MAP2: variants seen among roughly 807,000 people sequenced by gnomAD.
The protein encoded by MAP2 is microtubule-associated protein 2.
In MAP2, 14 loss-of-function variants were observed where a neutral mutation model predicts 137.6. The observed-to-expected ratio is 0.10, with a 90% CI of 0.07 to 0.16. The LOEUF is 0.16. Among genes scored for constraint, MAP2 ranks in the 10% least tolerant of loss-of-function variants. The pLI is 1.00. For missense variants in MAP2, 2,088 were observed against 2,191.5 expected (o/e 0.95, Z 0.94); for synonymous variants, 786 against 782.3 (o/e 1.00, Z -0.08).
intron 14 of MAP2, among the ~76,000 whole-genome samples, chr2:209,726,974 G>A (rs1411566087): frequency 6.6e-6 from 1 of 152,154 alleles, no homozygotes; most frequent in Admixed American, 6.5e-5. Context: ...TGAGCTGTTA[G>A]CTGACAATTA....
At chr2:209,601,327 T>A (rs1230077659) in intron 3 of MAP2, among the ~76,000 whole-genome samples, 3 of 152,204 alleles carry the variant, frequency 2.0e-5, no homozygotes, top group Non-Finnish European at 4.4e-5. Context: ...TTTTAGAACA[T>A]TTTCATGAAG....
intron 5 of MAP2, among the ~76,000 whole-genome samples, chr2:209,676,720 CATATATATATATATATATATATAT>C (rs56283066): frequency 0.017 from 1,248 of 71,790 alleles, 42 homozygotes; most frequent in East Asian, 0.061. Context: ...ACACAAAGGT[CATATATATATATATATATATATAT>C]ATATATATAT....
intron 2 of MAP2, among the ~76,000 whole-genome samples, chr2:209,545,863 G>T (rs555903626): frequency 1.3e-5 from 2 of 152,124 alleles, no homozygotes; most frequent in African/African-American, 4.8e-5. Context: ...CTTTTTGGCC[G>T]GGCATGGTGG....
rs149891809 is a variant in MAP2, at chr2:209,434,007, C to T, written c.-222+9731C>T. On this transcript the variant is annotated intron_variant, in intron 1 of 15. Coordinates refer to ENST00000682079, the MANE Select transcript of MAP2 (RefSeq NM_001375505.1). The stretch of plus-strand genomic sequence containing the variant: ...CCAAACAACAACCAACATTAAATAA[C>T]AGTGTAACACACATTTTGCTTCTTA... Among the ~76,000 whole-genome samples the T allele has an allele frequency of 2.0e-5, 3 of 152,122 alleles. No individual in the cohort carries two copies. The East Asian group carries it at 5.8e-4, about 29-fold the overall frequency.
intron 2 of MAP2, among the ~76,000 whole-genome samples, chr2:209,552,250 TG>T (rs2069348064): frequency 6.6e-6 from 1 of 152,194 alleles, no homozygotes; most frequent in Non-Finnish European, 1.5e-5. Flanking sequence ...TGTTATTTAC[TG>T]TAAAGTTGTC....
rs532366828 is a variant in MAP2, at chr2:209,558,447, C to G, written c.-171-21589C>G. Among the ~76,000 whole-genome samples the G allele has an allele frequency of 2.6e-5, 4 of 152,230 alleles. No homozygotes were observed. In the East Asian group the frequency reaches 7.7e-4, roughly 29 times the overall value. On this transcript the variant is annotated intron_variant, in intron 2 of 15. Coordinates refer to ENST00000682079, the MANE Select transcript of MAP2 (RefSeq NM_001375505.1). ...CAGGTGATCTGCCTGCCTCAGCCTC[C>G]CAGCGTGCTGGGATTACAGGTGTGA...
At position 209,454,110 on chromosome 2, in the gene MAP2, T is replaced by A; in HGVS notation, c.-222+29834T>A. Among the ~76,000 whole-genome samples the A allele has an allele frequency of 2.3e-5, 3 of 128,994 alleles. No homozygotes were observed. The Admixed American group carries it at 2.9e-4, about 12-fold the overall frequency. The allele number at this position is 128,994 out of a possible 152,430, so 84.6% of individuals were successfully genotyped here. A position where few individuals can be genotyped will look rare whatever the true frequency, so the allele number is the denominator to read the frequency against. ...AGCTTGCAGTGAGCCTAGATCGCGC[T>A]CTGCACTCCATCCCGGGCAACAGAG... On this transcript the variant is annotated intron_variant, in intron 1 of 15. Coordinates refer to ENST00000682079, the MANE Select transcript of MAP2 (RefSeq NM_001375505.1).
At chr2:209,627,862 A>T (rs2092555966) in intron 4 of MAP2, among the ~76,000 whole-genome samples, 1 of 152,178 alleles carries the variant, frequency 6.6e-6, no homozygotes, top group Non-Finnish European at 1.5e-5. Flanking sequence ...TTACCAGGTG[A>T]TTACCTTTGA....
intron 12 of MAP2, among the ~76,000 whole-genome samples, chr2:209,707,259 A>C (rs948840279): frequency 6.6e-6 from 1 of 152,156 alleles, no homozygotes; most frequent in Non-Finnish European, 1.5e-5. Context: ...CACCAATTCT[A>C]TTTTGACTTT....
chr2:209,516,731 A>T (rs970371296), intron 2 of MAP2, among the ~76,000 whole-genome samples: 2 of 152,116 alleles, frequency 1.3e-5, no homozygotes, highest in East Asian at 3.9e-4. Flanking sequence ...TCGAAGACCT[A>T]ATTTAGACTG....
chr2:209,671,945 A>G (rs939029844), intron 5 of MAP2, among the ~76,000 whole-genome samples: 2 of 150,910 alleles, frequency 1.3e-5, no homozygotes, highest in Non-Finnish European at 2.9e-5. Flanking sequence ...TGAAACTTCC[A>G]GGATCATTGA....
intron 1 of MAP2, among the ~76,000 whole-genome samples, chr2:209,482,921 C>T (rs765513179): frequency 6.6e-6 from 1 of 152,170 alleles, no homozygotes; most frequent in Non-Finnish European, 1.5e-5. Context: ...TGAAATATTA[C>T]AGCCTTATAC....
At chr2:209,457,767 A>G (rs925269605) in intron 1 of MAP2, among the ~76,000 whole-genome samples, 1 of 152,058 alleles carries the variant, frequency 6.6e-6, no homozygotes, top group African/African-American at 2.4e-5. Context: ...GGACATGGAG[A>G]TGGGGGATTA....
intron 4 of MAP2, among the ~76,000 whole-genome samples, chr2:209,625,511 A>T (rs72997687): frequency 3.9e-5 from 6 of 152,088 alleles, no homozygotes; most frequent in African/African-American, 1.4e-4. Context: ...CAACAGTTCT[A>T]TGACGTAGAT....
chr2:209,553,733 A>T (rs1434101679), intron 2 of MAP2, among the ~76,000 whole-genome samples: 2 of 152,156 alleles, frequency 1.3e-5, no homozygotes, highest in African/African-American at 4.8e-5. Context: ...ATTTGTCCTC[A>T]TCCCTAAGTG....
chr2:209,652,151 T>A (rs2094845874), intron 4 of MAP2, among the ~76,000 whole-genome samples: 1 of 152,162 alleles, frequency 6.6e-6, no homozygotes, highest in African/African-American at 2.4e-5. Flanking sequence ...CAATTATATA[T>A]CTAAACTTGG....
chr2:209,512,998 C>G (rs1261506531), intron 2 of MAP2, among the ~76,000 whole-genome samples: 2 of 152,016 alleles, frequency 1.3e-5, no homozygotes, highest in South Asian at 2.1e-4. Context: ...AGTAATTTCT[C>G]TATGCTCTGT....
intron 3 of MAP2, among the ~76,000 whole-genome samples, chr2:209,598,599 T>TC (rs2082060070): frequency 1.3e-5 from 1 of 79,540 alleles, no homozygotes; most frequent in East Asian, 4.2e-4. Context: ...CCCTCCCCCC[T>TC]CCCCCACCCC....
intron 4 of MAP2, among the ~76,000 whole-genome samples, chr2:209,643,868 C>G (rs747982843): frequency 1.3e-5 from 2 of 152,188 alleles, no homozygotes; most frequent in Non-Finnish European, 2.9e-5. Flanking sequence ...AAGTGAAAGA[C>G]CCAACTTCTA....
Sources: allele counts gnomAD v4.1 joint callset (sites outside exome capture counted in the v4.1 genomes callset), GRCh38; gene constraint gnomAD v4.1.1; transcripts MANE v1.5; gene names NCBI Gene and HGNC (gene_info 2026-07-23, HGNC 2026-07-21).